Variants in GRM7 observed in about 807,000 individuals in gnomAD.
GRM7 encodes metabotropic glutamate receptor 7.
A neutral mutation model predicts 84.5 loss-of-function variants in GRM7; 35 were observed. The observed-to-expected ratio is 0.41, with a 90% confidence interval of 0.32 to 0.55. The LOEUF (loss-of-function observed/expected upper bound fraction) is 0.55. Among genes scored for constraint, GRM7 ranks in the 20% least tolerant of loss-of-function variants. GRM7 has a pLI of 0.19. For synonymous variants in GRM7, 487 were observed against 455.1 expected, an observed-to-expected ratio of 1.07 and a Z score of -0.89; for missense variants, 1,003 against 1,194.6, an observed-to-expected ratio of 0.84 and a Z score of 2.36.
chr3:6,942,249 T>A (rs1575044016), intron 1 of GRM7, among the ~76,000 whole-genome samples: 1 of 152,230 alleles, frequency 6.6e-6, no homozygotes, highest in Admixed American at 6.5e-5. Context: ...ATTGTGAGGA[T>A]TAAAAGATAT....
intron 8 of GRM7, among the ~76,000 whole-genome samples, chr3:7,618,521 T>A (rs1346510465): frequency 6.6e-6 from 1 of 152,160 alleles, no homozygotes; most frequent in Non-Finnish European, 1.5e-5. Flanking sequence ...TTTTTAATTA[T>A]TGTTATTATT....
chr3:7,206,360 T>G (rs906131101), intron 2 of GRM7, among the ~76,000 whole-genome samples: 2 of 152,206 alleles, frequency 1.3e-5, no homozygotes, highest in South Asian at 4.1e-4. Flanking sequence ...TAACTGTTGC[T>G]AATTCATTAA....
intron 4 of GRM7, among the ~76,000 whole-genome samples, chr3:7,414,335 C>T (rs1436836506): frequency 6.6e-6 from 1 of 152,028 alleles, no homozygotes; most frequent in South Asian, 2.1e-4. Context: ...GAAAGAAAAT[C>T]GTATAGGTTA....
intron 6 of GRM7, among the ~76,000 whole-genome samples, chr3:7,453,466 T>C (rs1385692009): frequency 3.3e-5 from 5 of 152,164 alleles, no homozygotes; most frequent in Non-Finnish European, 7.3e-5. Context: ...TCAGGTTTGA[T>C]TAATTTGCTA....
intron 8 of GRM7, among the ~76,000 whole-genome samples, chr3:7,661,852 T>A (rs1329689932): frequency 1.8e-5 from 2 of 110,342 alleles, no homozygotes; most frequent in Non-Finnish European, 4.4e-5. Context: ...TGGAAAATAC[T>A]TTGGCAATTT....
intron 7 of GRM7, chr3:7,561,538 A>G (rs1350102728): frequency 2.2e-6 from 1 of 456,598 alleles, no homozygotes; most frequent in Non-Finnish European, 4.4e-6. Flanking sequence ...GTTGGCATGG[A>G]AAGTCCTTCC....
intron 1 of GRM7, among the ~76,000 whole-genome samples, chr3:7,049,628 AT>A (rs1696923966): frequency 6.6e-6 from 1 of 151,918 alleles, no homozygotes. Context: ...TAAAAGTAAA[AT>A]TGTATCCTGA....
At chr3:7,059,731 A>C (rs1432795439) in intron 1 of GRM7, among the ~76,000 whole-genome samples, 1 of 151,694 alleles carries the variant, frequency 6.6e-6, no homozygotes, top group Non-Finnish European at 1.5e-5. Context: ...GACCCTCATG[A>C]ATGGGATTAG....
chr3:7,644,675 C>T (rs1575587819), intron 8 of GRM7, among the ~76,000 whole-genome samples: 1 of 152,166 alleles, frequency 6.6e-6, no homozygotes, highest in African/African-American at 2.4e-5. Context: ...AGAATGTGAA[C>T]CATTATTCTG....
At chr3:7,651,283 A>G in intron 8 of GRM7, among the ~76,000 whole-genome samples, 1 of 152,096 alleles carries the variant, frequency 6.6e-6, no homozygotes, top group South Asian at 2.1e-4. Flanking sequence ...CTCCTTGGGG[A>G]AAAAAAGTGC....
At chr3:6,919,231 C>T (rs1281516782) in intron 1 of GRM7, among the ~76,000 whole-genome samples, 1 of 151,998 alleles carries the variant, frequency 6.6e-6, no homozygotes, top group Non-Finnish European at 1.5e-5. Flanking sequence ...CAGAGTCTCA[C>T]TCTGTCACCC....
intron 4 of GRM7, among the ~76,000 whole-genome samples, chr3:7,313,690 C>T (rs2125044579): frequency 6.6e-6 from 1 of 152,114 alleles, no homozygotes; most frequent in African/African-American, 2.4e-5. Context: ...GTTACCTTTG[C>T]TATTAATATA....
intron 8 of GRM7, among the ~76,000 whole-genome samples, chr3:7,649,820 A>C (rs959277829): frequency 4.6e-5 from 4 of 87,118 alleles, no homozygotes; most frequent in African/African-American, 1.6e-4. Flanking sequence ...TGCTGGCAAA[A>C]GAAAAAAAAA....
At chr3:6,979,731 G>A (rs1179221228) in intron 1 of GRM7, among the ~76,000 whole-genome samples, 3 of 152,048 alleles carry the variant, frequency 2.0e-5, no homozygotes, top group African/African-American at 7.2e-5. Flanking sequence ...AAAATGGGTT[G>A]GTGGAAAAGT....
intron 1 of GRM7, among the ~76,000 whole-genome samples, chr3:6,951,264 T>C (rs1174350303): frequency 6.6e-6 from 1 of 152,214 alleles, no homozygotes; most frequent in East Asian, 1.9e-4. Flanking sequence ...TTTTCCTCCT[T>C]TTTAAAATTT....
intron 8 of GRM7, among the ~76,000 whole-genome samples, chr3:7,621,943 C>T (rs1697379398): frequency 6.6e-6 from 1 of 152,132 alleles, no homozygotes; most frequent in Admixed American, 6.6e-5. Context: ...TTAAATTCTA[C>T]TTGTGAATCT....
At chr3:7,587,440 G>A (rs1285607657) in intron 8 of GRM7, among the ~76,000 whole-genome samples, 2 of 152,156 alleles carry the variant, frequency 1.3e-5, no homozygotes, top group Non-Finnish European at 2.9e-5. Flanking sequence ...AGGGTCCCCA[G>A]AAGGTAAAAT....
At chr3:7,045,524 A>G (rs1032593061) in intron 1 of GRM7, among the ~76,000 whole-genome samples, 2 of 152,152 alleles carry the variant, frequency 1.3e-5, no homozygotes, top group African/African-American at 2.4e-5. Context: ...GTGCCCTTTG[A>G]CTAATATCTC....
rs539225917 is a variant in GRM7, at chr3:7,195,664, A to C, written c.736+48996A>C. On this transcript the variant is annotated intron_variant, in intron 2 of 9. Coordinates refer to ENST00000357716, the MANE Select transcript of GRM7 (RefSeq NM_000844.4). The stretch of plus-strand genomic sequence containing the variant: ...GAACTTTTGAGATTGAAAATGAATA[A>C]ATAATGGGAGGAAAAGAAAAGATAT... Among the ~76,000 whole-genome samples, 9 of 152,252 alleles carry C rather than the reference A, an allele frequency of 5.9e-5. No homozygotes were observed. The East Asian group carries it at 1.5e-3, about 26-fold the overall frequency.
Sources: allele counts gnomAD v4.1 joint callset (sites outside exome capture counted in the v4.1 genomes callset), GRCh38; gene constraint gnomAD v4.1.1; transcripts MANE v1.5; gene names NCBI Gene and HGNC (gene_info 2026-07-23, HGNC 2026-07-21).